Variants in SGCZ observed in about 807,000 individuals in gnomAD.
SGCZ encodes the protein sarcoglycan zeta.
A neutral mutation model predicts 41.3 loss-of-function variants in SGCZ; 40 were observed. That is an observed-to-expected ratio of 0.97 (90% CI 0.75 to 1.26). SGCZ has a LOEUF of 1.26. SGCZ is among the 50% of genes most tolerant of loss of function. SGCZ has a pLI of 0.00. For missense variants in SGCZ, 552 were observed against 369.8 expected (o/e 1.49, Z -4.04); for synonymous variants, 206 against 137.5 (o/e 1.50, Z -3.49).
chr8:14,120,103 G>A (rs1023835676), intron 5 of SGCZ, among the ~76,000 whole-genome samples: 1 of 151,980 alleles, frequency 6.6e-6, no homozygotes, highest in Non-Finnish European at 1.5e-5. Flanking sequence ...TTTATTCCTA[G>A]GGATAGATAC....
At chr8:14,518,731 C>G (rs1238861381) in intron 2 of SGCZ, among the ~76,000 whole-genome samples, 1 of 151,704 alleles carries the variant, frequency 6.6e-6, no homozygotes. Flanking sequence ...ACATGCTATC[C>G]TAATCCCTTA....
intron 5 of SGCZ, among the ~76,000 whole-genome samples, chr8:14,150,599 G>A (rs1444035177): frequency 6.6e-6 from 1 of 152,110 alleles, no homozygotes; most frequent in East Asian, 1.9e-4. Flanking sequence ...AACCACTATG[G>A]AGAACAGTTT....
intron 1 of SGCZ, among the ~76,000 whole-genome samples, chr8:14,711,000 TC>T (rs1809497065): frequency 6.6e-6 from 1 of 152,192 alleles, no homozygotes; most frequent in Non-Finnish European, 1.5e-5. Context: ...AGCATTGTTT[TC>T]ATAGGACGTA....
chr8:15,225,301 A>T (rs1801730622), intron 1 of SGCZ, among the ~76,000 whole-genome samples: 1 of 150,666 alleles, frequency 6.6e-6, no homozygotes, highest in Non-Finnish European at 1.5e-5. Flanking sequence ...CAAAGTGTAT[A>T]GGAACACAAA....
chr8:15,016,915 G>A (rs1448726065), intron 1 of SGCZ, among the ~76,000 whole-genome samples: 2 of 152,022 alleles, frequency 1.3e-5, no homozygotes, highest in African/African-American at 4.8e-5. Context: ...TTTTTAACAA[G>A]CAGATCTGGT....
intron 1 of SGCZ, among the ~76,000 whole-genome samples, chr8:15,136,409 T>A (rs911259893): frequency 1.3e-5 from 2 of 151,614 alleles, no homozygotes; most frequent in Non-Finnish European, 2.9e-5. Flanking sequence ...AGGCATGAGC[T>A]TACAGATGAC....
At chr8:14,948,499 G>A (rs1391678412) in intron 1 of SGCZ, among the ~76,000 whole-genome samples, 3 of 151,720 alleles carry the variant, frequency 2.0e-5, no homozygotes, top group African/African-American at 4.8e-5. Flanking sequence ...AGAGGTCTCC[G>A]CTAGATCAAA....
At chr8:14,299,039 C>A (rs998517021) in intron 3 of SGCZ, among the ~76,000 whole-genome samples, 2 of 151,974 alleles carry the variant, frequency 1.3e-5, no homozygotes, top group Middle Eastern at 3.2e-3. Flanking sequence ...AAGACCCCAA[C>A]TTGTAACAAA....
intron 4 of SGCZ, among the ~76,000 whole-genome samples, chr8:14,173,972 C>T (rs1426850431): frequency 6.6e-6 from 1 of 152,008 alleles, no homozygotes; most frequent in Non-Finnish European, 1.5e-5. Flanking sequence ...ATATTAATAA[C>T]TGCTAAGTAA....
intron 1 of SGCZ, among the ~76,000 whole-genome samples, chr8:14,929,654 G>C (rs143357243): frequency 6.6e-6 from 1 of 152,078 alleles, no homozygotes; most frequent in East Asian, 1.9e-4. Context: ...CTGCACTGTG[G>C]AACCACCTTT....
chr8:14,381,967 T>A (rs996104385), intron 2 of SGCZ, among the ~76,000 whole-genome samples: 2 of 152,194 alleles, frequency 1.3e-5, no homozygotes, highest in Non-Finnish European at 2.9e-5. Flanking sequence ...GGAGATTAGT[T>A]CCTTGTTGGT....
At chr8:15,030,099 A>C (rs1279798709) in intron 1 of SGCZ, among the ~76,000 whole-genome samples, 1 of 152,164 alleles carries the variant, frequency 6.6e-6, no homozygotes, top group East Asian at 1.9e-4. Context: ...AAATAATTAC[A>C]GAATATAGTG....
intron 1 of SGCZ, among the ~76,000 whole-genome samples, chr8:15,171,764 G>A (rs954546660): frequency 2.0e-5 from 3 of 152,164 alleles, no homozygotes; most frequent in Non-Finnish European, 4.4e-5. Context: ...CTCAGATGTG[G>A]TATGTGTCGA....
At chr8:14,754,607 G>T (rs949299636) in intron 1 of SGCZ, among the ~76,000 whole-genome samples, 2 of 152,174 alleles carry the variant, frequency 1.3e-5, no homozygotes, top group African/African-American at 4.8e-5. Flanking sequence ...AAGAATTGTA[G>T]AATAGCATTT....
chr8:14,173,675 C>G (rs796493324), intron 4 of SGCZ, among the ~76,000 whole-genome samples: 9 of 152,054 alleles, frequency 5.9e-5, no homozygotes, highest in African/African-American at 2.2e-4. Context: ...GGAGATTAAA[C>G]TGAACATTAA....
intron 3 of SGCZ, among the ~76,000 whole-genome samples, chr8:14,283,095 C>G (rs1800505568): frequency 6.6e-6 from 1 of 151,862 alleles, no homozygotes; most frequent in African/African-American, 2.4e-5. Context: ...GTGATCCGCC[C>G]GCCTCGGCCT....
At chr8:14,595,167 C>G (rs1354643226) in intron 1 of SGCZ, among the ~76,000 whole-genome samples, 1 of 152,106 alleles carries the variant, frequency 6.6e-6, no homozygotes, top group Non-Finnish European at 1.5e-5. Flanking sequence ...CAAGTGTCCC[C>G]CTAGACTATT....
chr8:14,094,262 G>C (rs1197893081), intron 7 of SGCZ, among the ~76,000 whole-genome samples: 1 of 151,932 alleles, frequency 6.6e-6, no homozygotes, highest in East Asian at 1.9e-4. Context: ...CATCTACTTA[G>C]GTATTTGTCC....
intron 3 of SGCZ, among the ~76,000 whole-genome samples, chr8:14,305,503 G>T (rs1360724669): frequency 6.6e-6 from 1 of 152,024 alleles, no homozygotes; most frequent in African/African-American, 2.4e-5. Flanking sequence ...AATTTTATTT[G>T]ATTTTGAATT....
Sources: gnomAD v4.1 joint callset for allele counts (sites outside exome capture counted in the v4.1 genomes callset) on GRCh38, gnomAD v4.1.1 for gene constraint, MANE v1.5 for transcripts, NCBI Gene and HGNC (gene_info 2026-07-23, HGNC 2026-07-21) for gene names.